Variants in ZNG1E observed in about 807,000 individuals in gnomAD.
The protein encoded by ZNG1E is zinc-regulated GTPase metalloprotein activator 1E.
chr9:65,668,202 A>G, the ZNG1E span, among the ~76,000 whole-genome samples: 1 of 152,030 alleles, frequency 6.6e-6, no homozygotes, highest in African/African-American at 2.4e-5. Context: ...AAATACATAT[A>G]TTCATATACA....
chr9:65,693,881 C>T, the ZNG1E span, among the ~76,000 whole-genome samples: 2 of 144,656 alleles, frequency 1.4e-5, no homozygotes, highest in African/African-American at 2.5e-5. Flanking sequence ...TTTAAGTTTG[C>T]TTTTTTTTTT....
chr9:65,657,485 A>T, the ZNG1E span, among the ~76,000 whole-genome samples: 1 of 152,284 alleles, frequency 6.6e-6, no homozygotes, highest in Non-Finnish European at 1.5e-5. Context: ...AACAAATTTC[A>T]CATGTTCTCA....
the ZNG1E span, among the ~76,000 whole-genome samples, chr9:65,671,983 A>G: frequency 4.3e-5 from 6 of 138,990 alleles, no homozygotes; most frequent in African/African-American, 1.7e-4. Context: ...TTTGATCTGT[A>G]AAGACTAAGA....
At chr9:65,709,376 A>C in the ZNG1E span, among the ~76,000 whole-genome samples, 9 of 149,346 alleles carry the variant, frequency 6.0e-5, no homozygotes, top group African/African-American at 2.3e-4. Flanking sequence ...TTATACTTTA[A>C]GGTTTAGGGT....
At chr9:65,714,829 C>A in the ZNG1E span, among the ~76,000 whole-genome samples, 174 of 151,928 alleles carry the variant, frequency 1.1e-3, no homozygotes, top group East Asian at 0.019. Flanking sequence ...CTTAAGTCTG[C>A]GGAGGTTACT....
chr9:65,684,540 A>ACACG, the ZNG1E span, among the ~76,000 whole-genome samples: 178 of 141,806 alleles, frequency 1.3e-3, no homozygotes, highest in South Asian at 2.7e-3. Flanking sequence ...GTATACACAC[A>ACACG]CACACGCACG....
the ZNG1E span, among the ~76,000 whole-genome samples, chr9:65,677,498 A>C: frequency 6.6e-6 from 1 of 152,282 alleles, no homozygotes; most frequent in Non-Finnish European, 1.5e-5. Flanking sequence ...ACAACTTAAA[A>C]CTTAACATGT....
chr9:65,657,847 T>C, the ZNG1E span, among the ~76,000 whole-genome samples: 1 of 152,294 alleles, frequency 6.6e-6, no homozygotes, highest in Non-Finnish European at 1.5e-5. Context: ...ATGCCTGTAA[T>C]CCCAGCACTT....
the ZNG1E span, among the ~76,000 whole-genome samples, chr9:65,666,694 C>G: frequency 1.4e-5 from 2 of 147,686 alleles, no homozygotes; most frequent in African/African-American, 5.0e-5. Flanking sequence ...ATTTCTACTG[C>G]TGTCACCATC....
chr9:65,704,666 A>C, the ZNG1E span: 1 of 829,938 alleles, frequency 1.2e-6, no homozygotes, highest in Non-Finnish European at 1.4e-6. Flanking sequence ...TAATCCCAGC[A>C]CTTTGGGAGG....
the ZNG1E span, among the ~76,000 whole-genome samples, chr9:65,663,029 CT>C: frequency 1.5e-4 from 23 of 152,368 alleles, no homozygotes; most frequent in Non-Finnish European, 2.4e-4. Flanking sequence ...TTCTGGCAAC[CT>C]CAGAAGTACA....
the ZNG1E span, among the ~76,000 whole-genome samples, chr9:65,677,610 C>T: frequency 8.5e-5 from 13 of 152,252 alleles, no homozygotes; most frequent in Non-Finnish European, 1.9e-4. Flanking sequence ...TCTTGCTGCC[C>T]TTTAATTTAT....
chr9:65,691,758 A>G, the ZNG1E span, among the ~76,000 whole-genome samples: 26 of 151,780 alleles, frequency 1.7e-4, no homozygotes, highest in Non-Finnish European at 1.9e-4. Flanking sequence ...ATTTACCTGA[A>G]CACTTTTGGG....
chr9:65,660,715 T>C, the ZNG1E span, among the ~76,000 whole-genome samples: 3 of 141,492 alleles, frequency 2.1e-5, no homozygotes, highest in African/African-American at 8.0e-5. Flanking sequence ...CATCAATTTG[T>C]AGTATCCCTG....
At chr9:65,662,050 T>C in the ZNG1E span, among the ~76,000 whole-genome samples, 3 of 152,224 alleles carry the variant, frequency 2.0e-5, no homozygotes, top group Admixed American at 2.0e-4. Flanking sequence ...AATTTTCTTG[T>C]GGCAGAACCC....
the ZNG1E span, among the ~76,000 whole-genome samples, chr9:65,720,982 A>AC: frequency 8.6e-3 from 1,292 of 150,716 alleles, 8 homozygotes; most frequent in African/African-American, 0.03. Flanking sequence ...TAAAAAAAAA[A>AC]AAAAAAACCC....
the ZNG1E span, chr9:65,720,064 T>C: frequency 1.2e-5 from 19 of 1,595,966 alleles, no homozygotes; most frequent in South Asian, 2.1e-4. Context: ...CTTCAGCATG[T>C]GCCAGGAACA....
the ZNG1E span, among the ~76,000 whole-genome samples, chr9:65,667,198 T>A: frequency 6.6e-6 from 1 of 152,200 alleles, no homozygotes; most frequent in Non-Finnish European, 1.5e-5. Flanking sequence ...CAAGATGCAA[T>A]ATGTGAACTC....
chr9:65,684,550 G>GCACGCACA, the ZNG1E span, among the ~76,000 whole-genome samples: 16 of 132,768 alleles, frequency 1.2e-4, no homozygotes, highest in South Asian at 5.0e-4. Flanking sequence ...ACACACGCAC[G>GCACGCACA]CACACACACA....
Sources: gnomAD v4.1 joint callset for allele counts (sites outside exome capture counted in the v4.1 genomes callset) on GRCh38, gnomAD v4.1.1 for gene constraint, MANE v1.5 for transcripts, NCBI Gene and HGNC (gene_info 2026-07-23, HGNC 2026-07-21) for gene names.